The following PANX3 variants were observed in gnomAD, a reference collection of about 807,000 sequenced individuals.
The protein encoded by PANX3 is pannexin-3.
Under a neutral mutation model 31.5 loss-of-function variants are expected in PANX3, and 18 were observed. That is an observed-to-expected ratio of 0.57 (90% CI 0.39 to 0.85). The LOEUF (loss-of-function observed/expected upper bound fraction) is 0.85, where lower values mean the gene tolerates loss of function less well. PANX3 is among the 40% of genes least tolerant of loss of function. The pLI, the probability that PANX3 is intolerant of heterozygous loss-of-function variation, is 0.00. For synonymous variants in PANX3, 194 were observed against 201.6 expected (o/e 0.96, Z 0.32); for missense variants, 426 against 485.4 (o/e 0.88, Z 1.15).
intron 1 of PANX3, 32 bp downstream of exon 1, chr11:124,611,769 G>A (rs755329620): frequency 6.9e-6 from 11 of 1,598,292 alleles, no homozygotes; most frequent in Non-Finnish European, 9.4e-6. Context: ...GTGCGCAAGA[G>A]AGACTCCCCC....
At chr11:124,612,447 C>T (rs547759058) in intron 1 of PANX3, among the ~76,000 whole-genome samples, 245 of 152,330 alleles carry the variant, frequency 1.6e-3, no homozygotes, top group African/African-American at 5.6e-3. Context: ...CCTCCCACCG[C>T]CTCTTTATTC....
rs1863163667 is a variant in PANX3, at chr11:124,617,280, C to A, written c.331C>A (p.Pro111Thr). 1 of 1,604,412 alleles carries A rather than the reference C, an allele frequency of 6.2e-7. No homozygotes were observed. Among genetic ancestry groups the A allele is most frequent in the Admixed American group, 1.7e-5 (1 of 59,970 alleles). ...MKSLWPHKAL[P>T]YSLLALALLM... The stretch of plus-strand genomic sequence containing the variant: ...AGCTGCTCTCGCCCTGCAGGCCCTC[C>A]CCTACTCCCTGCTGGCCCTGGCCTT... Residue 111 changes from proline to threonine, a missense_variant, in exon 3 of 4, where the codon CCC becomes ACC. Transcript: ENST00000284288.
chr11:124,613,194 C>T lies in PANX3; in HGVS notation c.324+72C>T, dbSNP rs903914142. 5.9e-6 allele frequency: 9 copies of T among 1,531,946 alleles called. No homozygotes were observed. The African/African-American group carries it at 8.2e-5, about 14-fold the overall frequency. 94.9% of individuals were successfully genotyped at this position (1,531,946 alleles called of 1,614,324 possible). ...GTGCAGAACCCCTTCATTCTACTCC[C>T]TCTTGCCTCTATCCCCACCACCCCT... On this transcript the variant is annotated intron_variant, in intron 2 of 3. Coordinates refer to ENST00000284288, the MANE Select transcript of PANX3 (RefSeq NM_052959.3).
rs1327634663 is a variant in PANX3 at position 124,619,346 on chromosome 11, C to T, written c.590C>T (p.Ala197Val). The change falls in exon 4 of 4, where the codon GCA (alanine) becomes GTA (valine). Residue 197 changes from alanine (A) to valine (V), a missense_variant. Transcript: ENST00000284288. ...FEFPLLERYLACKQRSHSLVA... is the reference protein window; with the variant it reads ...FEFPLLERYLVCKQRSHSLVA... ...TTCCCTTTGCTAGAGCGGTACCTGG[C>T]ATGTAAGCAGCGTTCACATTCGCTA... 6.2e-7 allele frequency: 1 copy of T among 1,614,016 alleles called. No individual in the cohort carries two copies. The highest frequency in any genetic ancestry group is 1.3e-5 in the African/African-American group (1 of 74,926).
intron 1 of PANX3, among the ~76,000 whole-genome samples, chr11:124,612,778 C>T (rs1306582170): frequency 6.6e-6 from 1 of 152,192 alleles, no homozygotes; most frequent in Non-Finnish European, 1.5e-5. Context: ...TCAGCACTGG[C>T]AAGCCCTGGC....
chr11:124,613,516 A>G (rs1205311040), intron 2 of PANX3, among the ~76,000 whole-genome samples: 1 of 151,874 alleles, frequency 6.6e-6, no homozygotes, highest in Non-Finnish European at 1.5e-5. Flanking sequence ...CCCTCTAGGA[A>G]CTCGGCTGTG....
chr11:124,616,906 T>G lies in PANX3; in HGVS notation c.325-368T>G, dbSNP rs1206419017. Among the ~76,000 whole-genome samples, 1 of 151,828 alleles carries G rather than the reference T, an allele frequency of 6.6e-6. No individual in the cohort carries two copies. The highest frequency in any genetic ancestry group is 6.6e-5 in the Admixed American group (1 of 15,246). On this transcript the variant is annotated intron_variant, in intron 2 of 3. Coordinates refer to ENST00000284288, the MANE Select transcript of PANX3 (RefSeq NM_052959.3). This position sits in a 1 kb window ranked among gnomAD's most constrained non-coding sequence, Gnocchi z 4.8. ...CTCTCCTTTTCTCTCTCTCTCTCTATATATCCCTCTCCTGTCCTCCCCTCC... is the reference window on the plus strand; with the variant it reads ...CTCTCCTTTTCTCTCTCTCTCTCTAGATATCCCTCTCCTGTCCTCCCCTCC...
intron 3 of PANX3, among the ~76,000 whole-genome samples, chr11:124,618,312 C>T (rs1863176326): frequency 6.6e-6 from 1 of 152,190 alleles, no homozygotes; most frequent in African/African-American, 2.4e-5. Context: ...TCTTTTGAAG[C>T]CCAGATTTCA....
rs1565395033 is a variant in PANX3, at chr11:124,616,960, C to CCTCTCTCTCTCTCTCCTTATTCT, written c.325-302_325-280dup. ...CCCTTCCCCTCTCCTTCCCACCTCT[C>CCTCTCTCTCTCTCTCCTTATTCT]CTCTCTCTCTCTCTCCTTATTCTCT... On this transcript the variant is annotated intron_variant, in intron 2 of 3. Transcript: ENST00000284288. This position sits in a 1 kb window ranked among gnomAD's most constrained non-coding sequence, Gnocchi z 4.8. Among the ~76,000 whole-genome samples, 6 of 149,918 alleles carry CCTCTCTCTCTCTCTCCTTATTCT rather than the reference C, an allele frequency of 4.0e-5. No homozygotes were observed. Among genetic ancestry groups the CCTCTCTCTCTCTCTCCTTATTCT allele is most frequent in the Non-Finnish European group, 8.9e-5 (6 of 67,392 alleles).
At chr11:124,612,547 G>C (rs565880147) in intron 1 of PANX3, among the ~76,000 whole-genome samples, 1 of 152,320 alleles carries the variant, frequency 6.6e-6, no homozygotes, top group Non-Finnish European at 1.5e-5. Context: ...TCTCCTCCAA[G>C]TCCACTTTCC....
In PANX3 at chr11:124,611,629, C is replaced by T. The variant is rs780173273; in HGVS notation, c.73C>T (p.Leu25Phe). 1 of 1,614,180 alleles carries T rather than the reference C, an allele frequency of 6.2e-7. No homozygotes were observed. The highest frequency in any genetic ancestry group is 1.7e-5 in the Admixed American group (1 of 60,030). Residue 25 changes from leucine to phenylalanine, a missense_variant, in exon 1 of 4, where the codon CTC (leucine) becomes TTC (phenylalanine). Coordinates refer to ENST00000284288, the MANE Select transcript of PANX3 (RefSeq NM_052959.3). ...ALLPDRRGPR[L>F]KGLRLELPLD... is the part of the protein sequence containing the mutation. The stretch of plus-strand genomic sequence containing the variant: ...GCTGCCTGACCGCAGGGGACCCCGC[C>T]TCAAAGGACTGCGTCTGGAACTGCC...
At chr11:124,611,968 A>C (rs949651849) in intron 1 of PANX3, among the ~76,000 whole-genome samples, 3 of 152,036 alleles carry the variant, frequency 2.0e-5, no homozygotes, top group African/African-American at 4.8e-5. Context: ...AAAAAAAAAA[A>C]AAAATTGTTG....
chr11:124,619,900 C>T lies in PANX3; in HGVS notation c.1144C>T (p.His382Tyr), dbSNP rs1863197570. 2 of 1,611,622 alleles carry T rather than the reference C, an allele frequency of 1.2e-6. No homozygotes were observed. The highest frequency in any genetic ancestry group is 1.7e-6 in the Non-Finnish European group (2 of 1,179,056). ...LAGLEPSKPK[H>Y]LTNSACDEHP ...TGGCTTAGAACCCTCAAAACCCAAACACCTCACCAACTCGGCATGTGATGA... is the reference window on the plus strand; with the variant it reads ...TGGCTTAGAACCCTCAAAACCCAAATACCTCACCAACTCGGCATGTGATGA... The change falls in exon 4 of 4, where the codon CAC (histidine) becomes TAC (tyrosine). Residue 382 changes from histidine to tyrosine, a missense_variant. Physicochemically the swap from His to Tyr is moderately conservative, Grantham distance 83 (BLOSUM62 2). Coordinates refer to ENST00000284288, the MANE Select transcript of PANX3 (RefSeq NM_052959.3).
At position 124,616,048 on chromosome 11, in the gene PANX3, CA is replaced by C. The variant is rs1238993567; in HGVS notation, c.325-1224del. On this transcript the variant is annotated intron_variant, in intron 2 of 3. Coordinates refer to ENST00000284288, the MANE Select transcript of PANX3 (RefSeq NM_052959.3). This position sits in a 1 kb window ranked among gnomAD's most constrained non-coding sequence, Gnocchi z 4.8. ...ATAAATAAATAAATAAAAATCTTTA[CA>C]AGTAGAGATTTTACTGTAGGCAAAA... Among the ~76,000 whole-genome samples, 1 of 152,060 alleles carries C rather than the reference CA, an allele frequency of 6.6e-6. No homozygotes were observed. Among genetic ancestry groups the C allele is most frequent in the East Asian group, 1.9e-4 (1 of 5,190 alleles).
chr11:124,617,422 T>C lies in PANX3; in HGVS notation c.473T>C (p.Val158Ala). 1 of 1,614,230 alleles carries C rather than the reference T, an allele frequency of 6.2e-7. No homozygotes were observed. Among genetic ancestry groups the C allele is most frequent in the South Asian group, 1.1e-5 (1 of 91,090 alleles). Residue 158 changes from valine to alanine, a missense_variant, in exon 3 of 4, where the codon GTG becomes GCG. Transcript: ENST00000284288. ...DKSYNRSIRL[V>A]QHMLKIRQKS... ...TCTTATAATCGCTCCATCCGCCTCG[T>C]GCAGCACATGCTGAAGATCCGGCAG...
Position 124,612,960 on chromosome 11 carries a change from A to G in PANX3, c.182-20A>G, listed in dbSNP as rs1330017918. ...CTCCACTCCAACTCAGGCGGCCTCA[A>G]AGCTGTGTTCCTGTTGCAGGGTCTC... On this transcript the variant is annotated intron_variant, in intron 1 of 3. Coordinates refer to ENST00000284288, the MANE Select transcript of PANX3 (RefSeq NM_052959.3). The G allele has an allele frequency of 1.9e-6, 3 of 1,612,884 alleles. No individual in the cohort carries two copies. The highest frequency in any genetic ancestry group is 2.5e-6 in the Non-Finnish European group (3 of 1,179,250).
chr11:124,611,585 A>G lies in PANX3; in HGVS notation c.29A>G (p.Tyr10Cys), dbSNP rs952703668. ...TCACTTGCACACACAGCTGCAGAGT[A>G]CATGCTCTCAGATGCCCTGCTGCCT... Reference protein sequence around the residue: MSLAHTAAEYMLSDALLPDR... With the variant: MSLAHTAAECMLSDALLPDR... Residue 10 changes from tyrosine (Y) to cysteine (C), a missense_variant, in exon 1 of 4, where the codon TAC becomes TGC. Coordinates refer to ENST00000284288, the MANE Select transcript of PANX3 (RefSeq NM_052959.3). 5.0e-6 allele frequency: 8 copies of G among 1,614,028 alleles called. No homozygotes were observed. The highest frequency in any genetic ancestry group is 1.1e-5 in the South Asian group (1 of 91,048).
rs1208543423 is a variant in PANX3 at position 124,617,422 on chromosome 11, T to TG, written c.474dup (p.Gln159AlafsTer19). On this transcript the variant is annotated frameshift_variant, in exon 3 of 4. Coordinates refer to ENST00000284288, the MANE Select transcript of PANX3 (RefSeq NM_052959.3). LOFTEE classifies it high-confidence loss of function. ...TCTTATAATCGCTCCATCCGCCTCG[T>TG]GCAGCACATGCTGAAGATCCGGCAG... The TG allele has an allele frequency of 1.2e-6, 2 of 1,614,112 alleles. No individual in the cohort carries two copies. Among genetic ancestry groups the TG allele is most frequent in the Non-Finnish European group, 1.7e-6 (2 of 1,180,058 alleles).
intron 1 of PANX3, among the ~76,000 whole-genome samples, chr11:124,611,962 A>T (rs1454355392): frequency 6.6e-6 from 1 of 152,090 alleles, no homozygotes. Flanking sequence ...AAAAAAAAAA[A>T]AAAAAAAAAA....
Sources: gnomAD v4.1 joint callset for allele counts (sites outside exome capture counted in the v4.1 genomes callset) on GRCh38, gnomAD v4.1.1 for gene constraint, Gnocchi (gnomAD v3.1) non-coding constraint, MANE v1.5 for transcripts, NCBI Gene and HGNC (gene_info 2026-07-23, HGNC 2026-07-21) for gene names.